The following GCLC variants were observed in gnomAD, a reference collection of about 807,000 sequenced individuals.
GCLC encodes glutamate--cysteine ligase catalytic subunit.
Under a neutral mutation model 81.5 loss-of-function variants are expected in GCLC, and 30 were observed. That is an observed-to-expected ratio of 0.37 (90% CI 0.28 to 0.50). The LOEUF (loss-of-function observed/expected upper bound fraction) is 0.50. Among genes scored for constraint, GCLC ranks in the 20% least tolerant of loss-of-function variants. The pLI, the probability that GCLC is intolerant of heterozygous loss-of-function variation, is 0.96. For missense variants in GCLC, 556 were observed against 777.4 expected, an observed-to-expected ratio of 0.72 and a Z score of 3.39; for synonymous variants, 262 against 273.3, an observed-to-expected ratio of 0.96 and a Z score of 0.41.
At chr6:53,538,310 C>A (rs1017832990) in intron 1 of GCLC, among the ~76,000 whole-genome samples, 10 of 149,558 alleles carry the variant, frequency 6.7e-5, no homozygotes, top group Non-Finnish European at 1.3e-4. Flanking sequence ...AGCCACCATG[C>A]CTGGCAAGCT....
chr6:53,503,639 G>A (rs544703082), intron 12 of GCLC, among the ~76,000 whole-genome samples: 8 of 151,888 alleles, frequency 5.3e-5, no homozygotes, highest in East Asian at 1.9e-4. Context: ...TCTCCTGTCC[G>A]GACAGTTAAT....
At chr6:53,509,117 C>T in intron 7 of GCLC, 59 bp downstream of exon 7, 2 of 1,034,736 alleles carry the variant, frequency 1.9e-6, no homozygotes, top group South Asian at 2.5e-5. Flanking sequence ...GTAAATTCTG[C>T]ACATGCTATC....
chr6:53,515,001 T>C (rs1764838179), intron 4 of GCLC, among the ~76,000 whole-genome samples: 1 of 152,174 alleles, frequency 6.6e-6, no homozygotes, highest in African/African-American at 2.4e-5. Flanking sequence ...ACTGAGTACT[T>C]GAAATATGGC....
At chr6:53,507,331 A>C (rs1764635546) in intron 9 of GCLC, 149 bp downstream of exon 9, 2 of 804,768 alleles carry the variant, frequency 2.5e-6, no homozygotes, top group Admixed American at 4.4e-5. Context: ...TTGGAACCTG[A>C]AACTTTAGGA....
At chr6:53,531,465 T>C (rs148115537) in intron 1 of GCLC, among the ~76,000 whole-genome samples, 1 of 152,234 alleles carries the variant, frequency 6.6e-6, no homozygotes, top group African/African-American at 2.4e-5. Context: ...GTCACTCTCC[T>C]TGAAACTCTT....
At chr6:53,527,211 T>C (rs1289168799) in intron 1 of GCLC, among the ~76,000 whole-genome samples, 1 of 152,182 alleles carries the variant, frequency 6.6e-6, no homozygotes, top group Non-Finnish European at 1.5e-5. Context: ...CAGGACCTAG[T>C]CCAGGTAGAG....
intron 1 of GCLC, among the ~76,000 whole-genome samples, chr6:53,542,129 T>C (rs1763368714): frequency 6.6e-6 from 1 of 152,198 alleles, no homozygotes; most frequent in South Asian, 2.1e-4. Context: ...AGTGTTGGGA[T>C]TACGGGCCAC....
At chr6:53,525,241 T>C (rs1281911647) in intron 1 of GCLC, among the ~76,000 whole-genome samples, 1 of 152,236 alleles carries the variant, frequency 6.6e-6, no homozygotes, top group African/African-American at 2.4e-5. Context: ...ACTTTTAGCT[T>C]TTTGTTAAAC....
intron 10 of GCLC, 38 bp from the exon 11 acceptor site, chr6:53,505,933 C>T: frequency 8.9e-7 from 1 of 1,121,444 alleles, no homozygotes; most frequent in Non-Finnish European, 1.4e-6. Flanking sequence ...CAACTTTTCA[C>T]ACATCCAGGA....
intron 4 of GCLC, 48 bp downstream of exon 4, chr6:53,516,061 A>C: frequency 9.6e-7 from 1 of 1,045,114 alleles, no homozygotes; most frequent in East Asian, 2.4e-5. Context: ...CTCAGAAGTC[A>C]GGGGTCTAGT....
At chr6:53,505,085 T>C (rs1008639102) in intron 12 of GCLC, among the ~76,000 whole-genome samples, 12 of 152,174 alleles carry the variant, frequency 7.9e-5, no homozygotes, top group African/African-American at 2.9e-4. Context: ...GAGGAGACTT[T>C]TACCGGCATT....
At chr6:53,540,061 T>C (rs1223936481) in intron 1 of GCLC, among the ~76,000 whole-genome samples, 1 of 152,236 alleles carries the variant, frequency 6.6e-6, no homozygotes, top group East Asian at 1.9e-4. Flanking sequence ...TGCAATCCAA[T>C]GCACAAGCCT....
intron 1 of GCLC, among the ~76,000 whole-genome samples, chr6:53,537,779 T>C (rs980089545): frequency 6.6e-6 from 1 of 152,154 alleles, no homozygotes; most frequent in African/African-American, 2.4e-5. Context: ...GAATGTTTCA[T>C]TCCTCAATGA....
At chr6:53,535,861 G>A (rs1414354780) in intron 1 of GCLC, among the ~76,000 whole-genome samples, 3 of 152,202 alleles carry the variant, frequency 2.0e-5, no homozygotes, top group Non-Finnish European at 4.4e-5. Context: ...TACTCTGCTA[G>A]TGAGAATGCA....
At chr6:53,515,555 T>A (rs956423062) in intron 4 of GCLC, among the ~76,000 whole-genome samples, 1 of 152,214 alleles carries the variant, frequency 6.6e-6, no homozygotes, top group Non-Finnish European at 1.5e-5. Flanking sequence ...AGGCTCAGGA[T>A]GACAGATGAG....
At chr6:53,536,876 T>C (rs1763265939) in intron 1 of GCLC, among the ~76,000 whole-genome samples, 1 of 152,182 alleles carries the variant, frequency 6.6e-6, no homozygotes, top group Admixed American at 6.5e-5. Context: ...CTTAAAAGAT[T>C]TTTTCTGTAG....
intron 1 of GCLC, among the ~76,000 whole-genome samples, chr6:53,528,042 T>A (rs1051346156): frequency 4.6e-5 from 7 of 151,834 alleles, no homozygotes; most frequent in African/African-American, 7.3e-5. Flanking sequence ...TAATGACAAA[T>A]TTTTTTTTAA....
intron 4 of GCLC, 91 bp from the exon 5 acceptor site, chr6:53,514,588 A>T: frequency 1.1e-6 from 1 of 906,834 alleles, no homozygotes; most frequent in Non-Finnish European, 1.9e-6. Context: ...GTGGAATGAA[A>T]TCATACCTCA....
intron 3 of GCLC, among the ~76,000 whole-genome samples, chr6:53,517,998 C>A (rs1197796504): frequency 3.9e-5 from 6 of 152,120 alleles, no homozygotes; most frequent in Non-Finnish European, 8.8e-5. Flanking sequence ...ACTTAAGAAC[C>A]AGAGCACTCC....
Sources: allele counts gnomAD v4.1 joint callset (sites outside exome capture counted in the v4.1 genomes callset), GRCh38; gene constraint gnomAD v4.1.1; transcripts MANE v1.5; gene names NCBI Gene and HGNC (gene_info 2026-07-23, HGNC 2026-07-21).